Variants in SPATA6 observed in about 807,000 individuals in gnomAD.
SPATA6 encodes spermatogenesis associated 6, also known as spermatogenesis-associated protein 6.
Under a neutral mutation model 65.3 loss-of-function variants are expected in SPATA6, and 56 were observed. That is an observed-to-expected ratio of 0.86 (90% CI 0.69 to 1.07). The LOEUF (loss-of-function observed/expected upper bound fraction) is 1.07, where lower values mean the gene tolerates loss of function less well. Ranked by LOEUF, SPATA6 falls within the 50% of genes least tolerant of loss-of-function variation. The probability of loss-of-function intolerance (pLI) is 0.00; values close to 1 mark genes in which losing one functional copy is unlikely to be tolerated. For synonymous variants in SPATA6, 199 were observed against 213.2 expected, an observed-to-expected ratio of 0.93 and a Z score of 0.58; for missense variants, 590 against 594.8, an observed-to-expected ratio of 0.99 and a Z score of 0.08.
chr1:48,273,045 T>C, the SPATA6 span, among the ~76,000 whole-genome samples: 5 of 152,326 alleles, frequency 3.3e-5, no homozygotes, highest in East Asian at 9.6e-4. Flanking sequence ...TTTGCAAATC[T>C]TTTTTCCTCA....
chr1:48,462,146 A>G (rs1657484300), intron 1 of SPATA6, among the ~76,000 whole-genome samples: 2 of 152,040 alleles, frequency 1.3e-5, no homozygotes, highest in South Asian at 4.2e-4. Flanking sequence ...TTGAACAATG[A>G]GAACACATGG....
chr1:48,285,034 C>T, the SPATA6 span, among the ~76,000 whole-genome samples: 2 of 152,148 alleles, frequency 1.3e-5, no homozygotes, highest in Non-Finnish European at 2.9e-5. Context: ...CCCACAGCCA[C>T]CCCTTCCCCC....
chr1:48,347,096 T>C (rs1487765071), intron 11 of SPATA6, among the ~76,000 whole-genome samples: 1 of 152,032 alleles, frequency 6.6e-6, no homozygotes. Flanking sequence ...CAAAATAGCA[T>C]GGTAGTGGTA....
Position 48,408,778 on chromosome 1 carries a change from G to T in SPATA6, c.405+2686C>A, listed in dbSNP as rs141507623. ...CAGACAAAGAGAGAGCTTGTGCAAA[G>T]AAATTCCCATTTTTTAAACCATCAG... On this transcript the variant is annotated intron_variant, in intron 5 of 12. Coordinates refer to ENST00000371847, the MANE Select transcript of SPATA6 (RefSeq NM_019073.4). Among the ~76,000 whole-genome samples, 9 of 152,250 alleles carry T rather than the reference G, an allele frequency of 5.9e-5. No homozygotes were observed. The East Asian group carries it at 1.7e-3, about 29-fold the overall frequency.
intron 1 of SPATA6, among the ~76,000 whole-genome samples, chr1:48,460,397 G>T (rs1657337475): frequency 6.6e-6 from 1 of 152,108 alleles, no homozygotes; most frequent in African/African-American, 2.4e-5. Flanking sequence ...AGCAAACTCA[G>T]AAGGAAATTT....
chr1:48,366,689 C>T (rs1647026930), intron 9 of SPATA6, among the ~76,000 whole-genome samples: 1 of 152,010 alleles, frequency 6.6e-6, no homozygotes, highest in South Asian at 2.1e-4. Context: ...TCTCTCTTTT[C>T]TTCTTTATTA....
chr1:48,410,680 T>TC (rs1395626996), intron 5 of SPATA6, among the ~76,000 whole-genome samples: 1 of 152,188 alleles, frequency 6.6e-6, no homozygotes, highest in Non-Finnish European at 1.5e-5. Context: ...GCAAATCATC[T>TC]TACATGGCAG....
At chr1:48,417,736 A>G (rs1652904343) in intron 3 of SPATA6, among the ~76,000 whole-genome samples, 5 of 152,198 alleles carry the variant, frequency 3.3e-5, no homozygotes, top group Non-Finnish European at 7.3e-5. Context: ...AAGCAGGAGA[A>G]TCGCTTGAAC....
At chr1:48,291,541 C>T (rs2148623219), downstream of SPATA6, among the ~76,000 whole-genome samples, 1 of 152,000 alleles carries the variant, frequency 6.6e-6, no homozygotes, top group Middle Eastern at 3.4e-3. Flanking sequence ...CAACCAGCTC[C>T]CACACAGCCC....
At chr1:48,435,561 A>G (rs889412603) in intron 3 of SPATA6, among the ~76,000 whole-genome samples, 9 of 151,622 alleles carry the variant, frequency 5.9e-5, no homozygotes, top group African/African-American at 2.2e-4. Context: ...ACTCTGTAAA[A>G]ACACACCGCT....
the SPATA6 span, among the ~76,000 whole-genome samples, chr1:48,280,112 T>C: frequency 2.0e-5 from 3 of 151,934 alleles, no homozygotes; most frequent in Non-Finnish European, 4.4e-5. Flanking sequence ...AAGGCAGAAA[T>C]AAAGATGTTC....
At chr1:48,361,336 G>C (rs1439019182) in intron 9 of SPATA6, among the ~76,000 whole-genome samples, 4 of 152,200 alleles carry the variant, frequency 2.6e-5, no homozygotes, top group Non-Finnish European at 5.9e-5. Flanking sequence ...TTTAAGGAAG[G>C]GGGAGTAACT....
intron 11 of SPATA6, among the ~76,000 whole-genome samples, chr1:48,327,049 A>T (rs903467557): frequency 1.3e-5 from 2 of 152,184 alleles, no homozygotes; most frequent in African/African-American, 2.4e-5. Flanking sequence ...TATAATCAAC[A>T]TAGTAAACAG....
chr1:48,396,434 T>C (rs1257812366), intron 7 of SPATA6, among the ~76,000 whole-genome samples: 1 of 151,730 alleles, frequency 6.6e-6, no homozygotes, highest in African/African-American at 2.4e-5. Flanking sequence ...TGTACACCTA[T>C]GTTTACAGCA....
At chr1:48,366,253 C>G (rs1647007037) in intron 9 of SPATA6, among the ~76,000 whole-genome samples, 1 of 151,982 alleles carries the variant, frequency 6.6e-6, no homozygotes, top group Non-Finnish European at 1.5e-5. Flanking sequence ...GTCTAAAATT[C>G]TCTTTTTTGG....
At chr1:48,392,521 T>G (rs569891546) in intron 8 of SPATA6, among the ~76,000 whole-genome samples, 1 of 152,170 alleles carries the variant, frequency 6.6e-6, no homozygotes, top group South Asian at 2.1e-4. Context: ...AAAATATACC[T>G]TAATGAAAGT....
chr1:48,444,906 A>ATT (rs1342391824), intron 3 of SPATA6, among the ~76,000 whole-genome samples: 1 of 152,214 alleles, frequency 6.6e-6, no homozygotes, highest in Non-Finnish European at 1.5e-5. Context: ...GGATCTGACC[A>ATT]TTTATAGGCT....
intron 1 of SPATA6, among the ~76,000 whole-genome samples, chr1:48,461,456 G>A (rs1360828485): frequency 1.3e-5 from 2 of 152,040 alleles, no homozygotes; most frequent in East Asian, 3.9e-4. Context: ...TTCTTCTAGG[G>A]TTTTTATGGT....
rs574633650 is a variant in SPATA6, at chr1:48,318,825, A to T, written c.1195-12947T>A. ...GACCTAGAATAGTTATTCTTGAAAA[A>T]GAAGAAAAGGTGGAAGACTAACAAT... On this transcript the variant is annotated intron_variant, in intron 11 of 12. Transcript: ENST00000371847. Among the ~76,000 whole-genome samples, 9 of 150,910 alleles carry T rather than the reference A, an allele frequency of 6.0e-5. 1 individual carries two copies. The South Asian group carries it at 1.9e-3, about 31-fold the overall frequency.
Sources: gnomAD v4.1 joint callset for allele counts (sites outside exome capture counted in the v4.1 genomes callset) on GRCh38, gnomAD v4.1.1 for gene constraint, MANE v1.5 for transcripts, NCBI Gene and HGNC (gene_info 2026-07-23, HGNC 2026-07-21) for gene names.